TGFBR2: variants seen among roughly 807,000 people sequenced by gnomAD.
TGFBR2 encodes TGF-beta receptor type-2.
In TGFBR2, 18 loss-of-function variants were observed where a neutral mutation model predicts 49.0. The observed-to-expected ratio is 0.37, with a 90% CI of 0.25 to 0.54. The LOEUF (loss-of-function observed/expected upper bound fraction) is 0.54. Among genes scored for constraint, TGFBR2 ranks in the 20% least tolerant of loss-of-function variants. The pLI is 0.85. For synonymous variants in TGFBR2, 282 were observed against 275.9 expected (o/e 1.02, Z -0.22); for missense variants, 525 against 722.6 (o/e 0.73, Z 3.13).
In TGFBR2 at chr3:30,648,460, A is replaced by ACACACACACACACACACCCACC. The variant is rs1553627538; in HGVS notation, c.264-1808_264-1807insCACACACACACACACCCACCCA. ...CACACACACACACACACACACACAC[A>ACACACACACACACACACCCACC]CAAAACTGTGGGGGCAGGGAGGAAG... On this transcript the variant is annotated intron_variant, in intron 2 of 6. Transcript: ENST00000295754. 1.3e-3 allele frequency among the ~76,000 whole-genome samples: 184 copies of ACACACACACACACACACCCACC among 142,460 alleles called. 1 individual carries two copies. Among genetic ancestry groups the ACACACACACACACACACCCACC allele is most frequent in the East Asian group, 2.1e-4 (1 of 4,656 alleles). The allele number at this position is 142,460 out of a possible 152,430, so 93.5% of individuals were successfully genotyped here.
chr3:30,650,083 G>A (rs1034697695), intron 2 of TGFBR2, among the ~76,000 whole-genome samples, 187 bp from the exon 3 acceptor site: 4 of 152,178 alleles, frequency 2.6e-5, no homozygotes, highest in Non-Finnish European at 5.9e-5. Context: ...GAAAAGAGTA[G>A]AAAAGCATAG....
chr3:30,679,835 T>G (rs1014456469), intron 5 of TGFBR2, among the ~76,000 whole-genome samples: 1 of 152,196 alleles, frequency 6.6e-6, no homozygotes, highest in Non-Finnish European at 1.5e-5. Context: ...TTTAAAATAG[T>G]AGCTATGGCC....
chr3:30,643,488 A>G (rs1316894940), intron 1 of TGFBR2, among the ~76,000 whole-genome samples: 14 of 152,170 alleles, frequency 9.2e-5, no homozygotes, highest in Admixed American at 9.2e-4. Flanking sequence ...TGCAGCCTGT[A>G]TTTTGCAAAG....
chr3:30,675,354 T>A (rs1464783689), intron 5 of TGFBR2, among the ~76,000 whole-genome samples: 1 of 151,626 alleles, frequency 6.6e-6, no homozygotes, highest in Non-Finnish European at 1.5e-5. Flanking sequence ...CCCAAGTTCA[T>A]CCTGGTTGGC....
At chr3:30,661,988 G>A (rs562195826) in intron 3 of TGFBR2, among the ~76,000 whole-genome samples, 11 of 152,188 alleles carry the variant, frequency 7.2e-5, no homozygotes, top group South Asian at 2.1e-4. Context: ...AAAAGTAACC[G>A]AGGAAAACAT....
intron 5 of TGFBR2, among the ~76,000 whole-genome samples, chr3:30,685,301 A>G (rs1699601684): frequency 6.6e-6 from 1 of 152,216 alleles, no homozygotes; most frequent in African/African-American, 2.4e-5. Context: ...CACCTTCACA[A>G]GAAGGGGCTA....
At chr3:30,633,567 G>T (rs1698475704) in intron 1 of TGFBR2, among the ~76,000 whole-genome samples, 2 of 152,186 alleles carry the variant, frequency 1.3e-5, no homozygotes, top group African/African-American at 4.8e-5. Flanking sequence ...GGCCACAGGG[G>T]CCTGGCAGGG....
At chr3:30,661,252 GA>G (rs567354679) in intron 3 of TGFBR2, among the ~76,000 whole-genome samples, 17 of 151,762 alleles carry the variant, frequency 1.1e-4, no homozygotes, top group Middle Eastern at 6.8e-3. Context: ...AAAAGAAAAT[GA>G]AAAAAAATCT....
chr3:30,681,069 G>A (rs1175084784), intron 5 of TGFBR2, among the ~76,000 whole-genome samples: 1 of 149,240 alleles, frequency 6.7e-6, no homozygotes, highest in African/African-American at 2.5e-5. Context: ...CTGACACGTA[G>A]CAGCCAGCTG....
chr3:30,630,624 T>C (rs1698417398), intron 1 of TGFBR2, among the ~76,000 whole-genome samples: 1 of 152,230 alleles, frequency 6.6e-6, no homozygotes, highest in Non-Finnish European at 1.5e-5. Context: ...CACCAACTAC[T>C]GTGGCTGATG....
rs777472799 is a variant in TGFBR2 at position 30,650,311 on chromosome 3, A to T, written c.305A>T (p.His102Leu). 6.2e-7 allele frequency: 1 copy of T among 1,614,032 alleles called. No individual in the cohort carries two copies. Residue 102 changes from histidine to leucine, a missense_variant, in exon 3 of 7, where the codon CAT (histidine) becomes CTT (leucine). Physicochemically the swap from His to Leu is moderately conservative, Grantham distance 99 (BLOSUM62 -3). This residue lies in a region of TGFBR2 where 376 missense variants were observed against 478.2 expected (regional missense o/e 0.79). Coordinates refer to ENST00000295754, the MANE Select transcript of TGFBR2 (RefSeq NM_003242.6). ...AACATAACACTAGAGACAGTTTGCCATGACCCCAAGCTCCCCTACCATGAC... is the reference window on the plus strand; with the variant it reads ...AACATAACACTAGAGACAGTTTGCCTTGACCCCAAGCTCCCCTACCATGAC... ...DENITLETVC[H>L]DPKLPYHDFI...
In TGFBR2 at chr3:30,641,485, G is replaced by A. The variant is rs67771022; in HGVS notation, c.95-3262G>A. ...TAGGGTCAACTAATAGGGAGTCGAT[G>A]GCTGGTGCTGAACATGTCCTGCATA... On this transcript the variant is annotated intron_variant, in intron 1 of 6. Transcript: ENST00000295754. 0.26 allele frequency among the ~76,000 whole-genome samples: 40,197 copies of A among 152,056 alleles called. 5,549 individuals are homozygous for A. The highest frequency in any genetic ancestry group is 0.29 in the Non-Finnish European group (19,985 of 67,964).
At chr3:30,687,773 C>G (rs1482998841) in intron 5 of TGFBR2, among the ~76,000 whole-genome samples, 1 of 152,158 alleles carries the variant, frequency 6.6e-6, no homozygotes, top group South Asian at 2.1e-4. Context: ...TGGACAACCA[C>G]CATTATACTG....
At chr3:30,657,876 T>A (rs998974331) in intron 3 of TGFBR2, among the ~76,000 whole-genome samples, 1 of 152,246 alleles carries the variant, frequency 6.6e-6, no homozygotes, top group African/African-American at 2.4e-5. Flanking sequence ...TGTATTGTTA[T>A]CTTCATGAGG....
chr3:30,653,131 C>T (rs1489601854), intron 3 of TGFBR2, among the ~76,000 whole-genome samples: 3 of 151,918 alleles, frequency 2.0e-5, no homozygotes, highest in African/African-American at 7.3e-5. Context: ...TTTTAAGCAT[C>T]TCTTTTCTGT....
At chr3:30,620,738 T>C (rs1422344262) in intron 1 of TGFBR2, among the ~76,000 whole-genome samples, 3 of 152,298 alleles carry the variant, frequency 2.0e-5, no homozygotes, top group African/African-American at 7.2e-5. Context: ...CAATTTTTTG[T>C]CACTCCTGCC....
At chr3:30,634,064 A>G (rs1200483028) in intron 1 of TGFBR2, among the ~76,000 whole-genome samples, 3 of 152,238 alleles carry the variant, frequency 2.0e-5, no homozygotes, top group African/African-American at 7.2e-5. Context: ...AAAACCTTTC[A>G]GGTACCAGGC....
chr3:30,612,573 T>TTTGCATAAGGAAACTCTA (rs1698048817), intron 1 of TGFBR2, among the ~76,000 whole-genome samples: 3 of 152,206 alleles, frequency 2.0e-5, no homozygotes, highest in Admixed American at 1.3e-4. Flanking sequence ...GCAGAGTTTC[T>TTTGCATAAGGAAACTCTA]TTGCATAAGG....
Position 30,672,510 on chromosome 3 carries a change from T to C in TGFBR2, c.1254+73T>C. 6.6e-7 allele frequency: 1 copy of C among 1,510,636 alleles called. No individual in the cohort carries two copies. The highest frequency in any genetic ancestry group is 2.3e-5 in the East Asian group (1 of 44,326). 93.6% of individuals were successfully genotyped at this position (1,510,636 alleles called of 1,614,324 possible). A position where few individuals can be genotyped will look rare whatever the true frequency, so the allele number is the denominator to read the frequency against. On this transcript the variant is annotated intron_variant, in intron 4 of 6. Transcript: ENST00000295754. This position sits in a 1 kb window ranked among gnomAD's most constrained non-coding sequence, Gnocchi z 4.5. The stretch of plus-strand genomic sequence containing the variant: ...ACCCTACCTCTTGATCCATATCTCC[T>C]GGCTCTTATCTCAAACAGCCCTGTA...
Sources: gnomAD v4.1 joint callset for allele counts (sites outside exome capture counted in the v4.1 genomes callset) on GRCh38, gnomAD v4.1.1 for gene constraint, gnomAD v4.1.1 regional missense constraint, Gnocchi (gnomAD v3.1) non-coding constraint, MANE v1.5 for transcripts, NCBI Gene and HGNC (gene_info 2026-07-23, HGNC 2026-07-21) for gene names.